The following BMP6 variants were observed in gnomAD, a reference collection of about 807,000 sequenced individuals.
The protein encoded by BMP6 is VG-1-R.
BMP6 carries 17 observed loss-of-function variants against 54.1 expected under a neutral mutation model. The observed-to-expected ratio is 0.31, with a 90% CI of 0.22 to 0.47. The LOEUF (loss-of-function observed/expected upper bound fraction) is 0.47. BMP6 is among the 20% of genes least tolerant of loss of function. The pLI, the probability that BMP6 is intolerant of heterozygous loss-of-function variation, is 1.00. For missense variants in BMP6, 720 were observed against 690.4 expected, an observed-to-expected ratio of 1.04 and a Z score of -0.48; for synonymous variants, 328 against 291.2, an observed-to-expected ratio of 1.13 and a Z score of -1.28.
chr6:7,876,242 TTG>T (rs1365272558), intron 4 of BMP6, among the ~76,000 whole-genome samples: 1 of 152,230 alleles, frequency 6.6e-6, no homozygotes, highest in African/African-American at 2.4e-5. Context: ...GCTATCCATT[TTG>T]TGTTTCTTAG....
chr6:7,788,309 T>C (rs1217830938), intron 1 of BMP6, among the ~76,000 whole-genome samples: 3 of 152,188 alleles, frequency 2.0e-5, no homozygotes, highest in Admixed American at 6.5e-5. Context: ...AGTCATCATA[T>C]GCATCCTGTA....
At chr6:7,746,769 C>G (rs1757352729) in intron 1 of BMP6, among the ~76,000 whole-genome samples, 1 of 152,190 alleles carries the variant, frequency 6.6e-6, no homozygotes, top group Non-Finnish European at 1.5e-5. Context: ...GTGTCATCTG[C>G]CGTCACGGTG....
chr6:7,784,196 C>G (rs1325858021), intron 1 of BMP6, among the ~76,000 whole-genome samples: 1 of 152,030 alleles, frequency 6.6e-6, no homozygotes, highest in Non-Finnish European at 1.5e-5. Context: ...CAAAAATAGT[C>G]TTTCCTTCTT....
intron 1 of BMP6, among the ~76,000 whole-genome samples, chr6:7,823,085 G>C (rs1321562592): frequency 6.6e-6 from 1 of 152,112 alleles, no homozygotes; most frequent in Non-Finnish European, 1.5e-5. Flanking sequence ...TATTCTCCCA[G>C]ATCCCTCACT....
chr6:7,742,673 C>T (rs1757286152), intron 1 of BMP6, among the ~76,000 whole-genome samples: 1 of 152,134 alleles, frequency 6.6e-6, no homozygotes, highest in African/African-American at 2.4e-5. Flanking sequence ...TATTTCCAGA[C>T]CATTGGTGAA....
chr6:7,856,621 G>T (rs370167713), intron 2 of BMP6, among the ~76,000 whole-genome samples: 921 of 49,368 alleles, frequency 0.019, 12 homozygotes, highest in African/African-American at 0.082. Context: ...TTTTGAGACG[G>T]AGTCTCGCTC....
At chr6:7,856,595 A>ATTTTTTTTCTTTTTTTT (rs1759237171) in intron 2 of BMP6, among the ~76,000 whole-genome samples, 1 of 83,116 alleles carries the variant, frequency 1.2e-5, no homozygotes, top group Admixed American at 1.5e-4. Flanking sequence ...TATCAAGAGC[A>ATTTTTTTTCTTTTTTTT]TTTTTTTTTT....
rs147255646 is a variant in BMP6, at chr6:7,779,633, C to T, written c.664+52014C>T. 6.8e-3 allele frequency among the ~76,000 whole-genome samples: 1,034 copies of T among 152,330 alleles called. 1 individual carries two copies. Among genetic ancestry groups the T allele is most frequent in the Middle Eastern group, 0.02 (6 of 294 alleles). On this transcript the variant is annotated intron_variant, in intron 1 of 6. Transcript: ENST00000283147. ...GGGATTACAGGCGTGAGCCACTGAG[C>T]CCAGCCAATAGTGCACTTATTAAGA...
chr6:7,759,671 T>G (rs1309566558), intron 1 of BMP6, among the ~76,000 whole-genome samples: 1 of 150,524 alleles, frequency 6.6e-6, no homozygotes, highest in African/African-American at 2.4e-5. Context: ...AGAAGTGAAT[T>G]TTAAAGACTA....
chr6:7,775,004 A>G (rs1312504653), intron 1 of BMP6, among the ~76,000 whole-genome samples: 1 of 151,922 alleles, frequency 6.6e-6, no homozygotes, highest in Non-Finnish European at 1.5e-5. Context: ...GGCTGAACTT[A>G]CTCTTTTATC....
At chr6:7,741,280 T>G (rs1757248000) in intron 1 of BMP6, among the ~76,000 whole-genome samples, 1 of 151,808 alleles carries the variant, frequency 6.6e-6, no homozygotes, top group African/African-American at 2.4e-5. Flanking sequence ...TGGAGCAGCA[T>G]TCTTTATTAT....
intron 2 of BMP6, among the ~76,000 whole-genome samples, chr6:7,854,968 C>T (rs886938792): frequency 1.3e-5 from 2 of 152,150 alleles, no homozygotes; most frequent in African/African-American, 4.8e-5. Flanking sequence ...CTCTTTCCCC[C>T]TCTTACCCTG....
chr6:7,862,628 C>T (rs1347135774), intron 4 of BMP6, 130 bp downstream of exon 4: 3 of 1,168,836 alleles, frequency 2.6e-6, no homozygotes, highest in South Asian at 1.4e-5. Context: ...GTGTCATATG[C>T]ATGATGGTAC....
chr6:7,840,524 T>C (rs1203417013), intron 1 of BMP6, among the ~76,000 whole-genome samples: 1 of 152,150 alleles, frequency 6.6e-6, no homozygotes, highest in Non-Finnish European at 1.5e-5. Flanking sequence ...TGTTCCTATG[T>C]GTTGGCCAAA....
At chr6:7,859,679 A>AC (rs1759304920) in intron 2 of BMP6, among the ~76,000 whole-genome samples, 4 of 149,792 alleles carry the variant, frequency 2.7e-5, no homozygotes, top group Admixed American at 2.0e-4. Flanking sequence ...CACCCCCCGC[A>AC]CCCCCCGCAA....
intron 1 of BMP6, among the ~76,000 whole-genome samples, chr6:7,735,588 G>A (rs187647389): frequency 1.3e-5 from 2 of 151,836 alleles, no homozygotes; most frequent in African/African-American, 2.4e-5. Context: ...AGAAAGAGAG[G>A]GTTTTTTTTT....
intron 2 of BMP6, among the ~76,000 whole-genome samples, chr6:7,854,219 G>T (rs189175309): frequency 1.7e-4 from 26 of 152,154 alleles, no homozygotes; most frequent in African/African-American, 6.3e-4. Flanking sequence ...AGATCGCTTT[G>T]GTTACGTGTG....
intron 2 of BMP6, among the ~76,000 whole-genome samples, chr6:7,859,387 G>A (rs1759299815): frequency 6.6e-6 from 1 of 151,966 alleles, no homozygotes; most frequent in Non-Finnish European, 1.5e-5. Flanking sequence ...GTCATCAGAG[G>A]TAACTCGGCA....
At chr6:7,861,680 C>T (rs1759338268) in intron 3 of BMP6, 81 bp downstream of exon 3, 15 of 1,560,158 alleles carry the variant, frequency 9.6e-6, no homozygotes, top group East Asian at 2.3e-5. Context: ...GTGATAGAAC[C>T]GTGGGCAACA....
Sources: allele counts gnomAD v4.1 joint callset (sites outside exome capture counted in the v4.1 genomes callset), GRCh38; gene constraint gnomAD v4.1.1; transcripts MANE v1.5; gene names NCBI Gene and HGNC (gene_info 2026-07-23, HGNC 2026-07-21).